Variants in AFF3 observed in about 807,000 individuals in gnomAD.
AFF3 encodes the protein ALF transcription elongation factor 3.
AFF3 carries 32 observed loss-of-function variants against 129.7 expected under a neutral mutation model. The ratio of observed to expected loss-of-function variants is 0.25; its 90% CI spans 0.19 to 0.33. The LOEUF (loss-of-function observed/expected upper bound fraction) is 0.33. Among genes scored for constraint, AFF3 ranks in the 10% least tolerant of loss-of-function variants. The pLI is 1.00. For missense variants in AFF3, 1,373 were observed against 1,592.0 expected, an observed-to-expected ratio of 0.86 and a Z score of 2.34; for synonymous variants, 644 against 635.4, an observed-to-expected ratio of 1.01 and a Z score of -0.20.
intron 7 of AFF3, among the ~76,000 whole-genome samples, chr2:99,845,103 C>G (rs576355101): frequency 2.6e-4 from 40 of 152,242 alleles, no homozygotes; most frequent in African/African-American, 9.4e-4. Context: ...ATTCTTAGAA[C>G]ATCAACATTT....
At chr2:99,802,380 T>A (rs767385436) in intron 8 of AFF3, among the ~76,000 whole-genome samples, 8 of 152,132 alleles carry the variant, frequency 5.3e-5, no homozygotes, top group South Asian at 2.1e-4. Context: ...CATTAAAAGT[T>A]TTCTTGGCTG....
intron 8 of AFF3, among the ~76,000 whole-genome samples, chr2:99,818,026 T>A (rs866416452): frequency 7.9e-5 from 12 of 152,212 alleles, no homozygotes; most frequent in Admixed American, 2.6e-4. Context: ...ACTGGCTTTT[T>A]ATAGCAATAA....
chr2:100,105,548 G>A lies in AFF3; in HGVS notation c.-109C>T. ...GCCTCTGGGTGTCGACTTCAAACTT[G>A]CCGCCCGTCTCCGGTCTGGAAAGGC... On this transcript the variant is annotated 5_prime_UTR_variant, in exon 3 of 25. Coordinates refer to ENST00000672756, the MANE Select transcript of AFF3 (RefSeq NM_001386135.1). The A allele has an allele frequency of 7.5e-7, 1 of 1,332,040 alleles. No homozygotes were observed. Among genetic ancestry groups the A allele is most frequent in the Non-Finnish European group, 1.0e-6 (1 of 1,004,990 alleles). The allele number at this position is 1,332,040 out of a possible 1,614,324, so 82.5% of individuals were successfully genotyped here. A position where few individuals can be genotyped will look rare whatever the true frequency, so the allele number is the denominator to read the frequency against.
rs1674168119 is a variant in AFF3 at position 99,548,244 on chromosome 2, TAA to T, written c.*3228_*3229del. ...TTGGAGGCAAATGTACGTCTTCAAA[TAA>T]AAAGACATGGTAATAAAAATTATTT... On this transcript the variant is annotated 3_prime_UTR_variant, in exon 25 of 25. Coordinates refer to ENST00000672756, the MANE Select transcript of AFF3 (RefSeq NM_001386135.1). 1 of 196,966 alleles carries T rather than the reference TAA, an allele frequency of 5.1e-6. No individual in the cohort carries two copies. The highest frequency in any genetic ancestry group is 2.3e-5 in the African/African-American group (1 of 43,352). The allele number at this position is 196,966 out of a possible 1,614,324, so 12.2% of individuals were successfully genotyped here.
At chr2:99,727,569 T>G (rs926444371) in intron 10 of AFF3, among the ~76,000 whole-genome samples, 11 of 151,470 alleles carry the variant, frequency 7.3e-5, no homozygotes, top group Non-Finnish European at 1.2e-4. Flanking sequence ...ATTTTTTTTT[T>G]TTTTTTTTTT....
intron 13 of AFF3, among the ~76,000 whole-genome samples, chr2:99,624,849 C>T (rs566089865): frequency 1.3e-5 from 2 of 152,340 alleles, no homozygotes; most frequent in African/African-American, 4.8e-5. Context: ...GTCTGCCCTC[C>T]GGAGACGAAG....
chr2:99,602,661 C>G (rs1035621394), intron 13 of AFF3, among the ~76,000 whole-genome samples: 2 of 152,184 alleles, frequency 1.3e-5, no homozygotes, highest in Non-Finnish European at 2.9e-5. Flanking sequence ...TATGTTGAGT[C>G]AGCAAACTGC....
At chr2:99,803,664 C>T (rs1216803356) in intron 8 of AFF3, among the ~76,000 whole-genome samples, 5 of 152,096 alleles carry the variant, frequency 3.3e-5, no homozygotes, top group South Asian at 2.1e-4. Context: ...AGGCATCACA[C>T]GACATGACTT....
intron 8 of AFF3, among the ~76,000 whole-genome samples, chr2:99,827,660 T>C (rs1688194596): frequency 6.6e-6 from 1 of 151,696 alleles, no homozygotes; most frequent in South Asian, 2.1e-4. Flanking sequence ...TATATATATG[T>C]ATATATATAC....
chr2:100,126,072 A>G (rs1692176912), intron 2 of AFF3, among the ~76,000 whole-genome samples: 2 of 152,234 alleles, frequency 1.3e-5, no homozygotes, highest in Non-Finnish European at 1.5e-5. Context: ...AATGCTACCT[A>G]TTAGATAACT....
intron 5 of AFF3, among the ~76,000 whole-genome samples, chr2:100,008,330 G>C (rs547821755): frequency 5.3e-5 from 8 of 152,204 alleles, no homozygotes; most frequent in Admixed American, 2.0e-4. Context: ...ATTTCATTTT[G>C]GAAGCAAGGT....
intron 12 of AFF3, among the ~76,000 whole-genome samples, chr2:99,660,037 T>G (rs1283752734): frequency 6.6e-6 from 1 of 152,212 alleles, no homozygotes; most frequent in Non-Finnish European, 1.5e-5. Context: ...CATTAATGGC[T>G]TTCATCTTTG....
At chr2:99,826,667 GGAGTGTGAGGGGCAACGTGGTGAAAGAT>G (rs1194011193) in intron 8 of AFF3, among the ~76,000 whole-genome samples, 2 of 152,322 alleles carry the variant, frequency 1.3e-5, no homozygotes, top group East Asian at 3.9e-4. Flanking sequence ...AGTGCAGCAT[GGAGTGTGAGGGGCAACGTGGTGAAAGAT>G]GAGTCTGGAA....
chr2:100,024,365 G>A (rs1409593112), intron 4 of AFF3, among the ~76,000 whole-genome samples: 2 of 151,526 alleles, frequency 1.3e-5, no homozygotes, highest in East Asian at 1.9e-4. Context: ...ACCTGAGGTC[G>A]GGAGTTCGAG....
chr2:99,707,343 T>C (rs1677496029), intron 11 of AFF3: 1 of 985,108 alleles, frequency 1.0e-6, no homozygotes, highest in Non-Finnish European at 1.2e-6. Flanking sequence ...TGTCAGTTAA[T>C]ATTTTTAAAT....
At chr2:100,105,898 G>C in intron 2 of AFF3, 8 of 1,331,422 alleles carry the variant, frequency 6.0e-6, no homozygotes, top group Non-Finnish European at 8.0e-6. Context: ...CGCCAAAAGG[G>C]AGTCCCTTCC....
At chr2:99,663,774 G>A (rs1436861999) in intron 12 of AFF3, among the ~76,000 whole-genome samples, 2 of 152,212 alleles carry the variant, frequency 1.3e-5, no homozygotes, top group Admixed American at 6.5e-5. Flanking sequence ...CATGTACATA[G>A]CCATTCAATT....
intron 4 of AFF3, among the ~76,000 whole-genome samples, chr2:100,038,692 G>T (rs1685176210): frequency 6.6e-6 from 1 of 151,550 alleles, no homozygotes; most frequent in Admixed American, 6.6e-5. Flanking sequence ...AAGGGTCATG[G>T]GACTATGCAG....
Position 100,104,525 on chromosome 2 carries a change from C to T in AFF3, c.-64-7G>A, listed in dbSNP as rs777479242. 5.6e-6 allele frequency: 7 copies of T among 1,246,578 alleles called. No homozygotes were observed. The highest frequency in any genetic ancestry group is 7.2e-6 in the Non-Finnish European group (7 of 969,886). 77.2% of individuals were successfully genotyped at this position (1,246,578 alleles called of 1,614,324 possible). A position where few individuals can be genotyped will look rare whatever the true frequency, so the allele number is the denominator to read the frequency against. ...GGCTCGGGCCGCCCGCGCGCTGCAA[C>T]GAAAGGCGCCGCTCAAGGTGCATCC... On this transcript the variant is annotated splice_polypyrimidine_tract_variant and splice_region_variant and intron_variant, in intron 3 of 24. Transcript: ENST00000672756.
Sources: gnomAD v4.1 joint callset for allele counts (sites outside exome capture counted in the v4.1 genomes callset) on GRCh38, gnomAD v4.1.1 for gene constraint, MANE v1.5 for transcripts, NCBI Gene and HGNC (gene_info 2026-07-23, HGNC 2026-07-21) for gene names.